Variants in SPATS2 observed in about 807,000 individuals in gnomAD.
The protein encoded by SPATS2 is spermatogenesis associated serine rich 2, also known as spermatogenesis-associated serine-rich protein 2.
A neutral mutation model predicts 63.7 loss-of-function variants in SPATS2; 38 were observed. The observed-to-expected ratio is 0.60, with a 90% CI of 0.46 to 0.78. The LOEUF (loss-of-function observed/expected upper bound fraction) is 0.78. SPATS2 is among the 30% of genes least tolerant of loss of function. The pLI is 0.00. For synonymous variants in SPATS2, 207 were observed against 232.9 expected (o/e 0.89, Z 1.01); for missense variants, 588 against 666.2 (o/e 0.88, Z 1.29).
Position 49,467,934 on chromosome 12 carries a change from G to A in SPATS2, c.25+6897G>A, listed in dbSNP as rs577801595. 2.3e-3 allele frequency among the ~76,000 whole-genome samples: 352 copies of A among 151,116 alleles called. 2 individuals are homozygous for A. Among genetic ancestry groups the A allele is most frequent in the Admixed American group, 8.2e-3 (125 of 15,156 alleles). On this transcript the variant is annotated intron_variant, in intron 3 of 13. Transcript: ENST00000552918. The stretch of plus-strand genomic sequence containing the variant: ...ATTTTTAGTAGAGACGGGGTTTCAC[G>A]GTATTAGCCAGGATGGTCTCGATCT...
chr12:49,407,089 C>T (rs1944710524), intron 2 of SPATS2, among the ~76,000 whole-genome samples: 1 of 152,180 alleles, frequency 6.6e-6, no homozygotes, highest in African/African-American at 2.4e-5. Context: ...TTGGAATCAT[C>T]CTTGATGCCT....
At chr12:49,393,959 A>G (rs1271764006) in intron 2 of SPATS2, among the ~76,000 whole-genome samples, 1 of 152,152 alleles carries the variant, frequency 6.6e-6, no homozygotes, top group Non-Finnish European at 1.5e-5. Context: ...CTCAGATTAC[A>G]TGCGTGAGCC....
intron 2 of SPATS2, chr12:49,387,244 A>G (rs1944332702): frequency 1.3e-5 from 2 of 152,332 alleles, no homozygotes; most frequent in South Asian, 4.1e-4. Flanking sequence ...ATATTCAAAG[A>G]AGATGCTGAA....
At chr12:49,399,967 C>T (rs912740631) in intron 2 of SPATS2, among the ~76,000 whole-genome samples, 4 of 152,212 alleles carry the variant, frequency 2.6e-5, no homozygotes, top group African/African-American at 7.2e-5. Flanking sequence ...ACCCGGGAGG[C>T]GGAGCTTGCA....
intron 2 of SPATS2, among the ~76,000 whole-genome samples, chr12:49,433,287 C>T (rs1185873347): frequency 1.3e-5 from 2 of 152,126 alleles, no homozygotes; most frequent in Admixed American, 6.5e-5. Context: ...TTCAGGCTCC[C>T]GAGTAGCTGG....
At chr12:49,470,812 G>A (rs894515070) in intron 3 of SPATS2, among the ~76,000 whole-genome samples, 1 of 152,126 alleles carries the variant, frequency 6.6e-6, no homozygotes, top group African/African-American at 2.4e-5. Flanking sequence ...CCTTGTTCCA[G>A]TGTTTTGTTG....
At chr12:49,384,521 G>A (rs1944277361) in intron 2 of SPATS2, among the ~76,000 whole-genome samples, 1 of 152,118 alleles carries the variant, frequency 6.6e-6, no homozygotes, top group African/African-American at 2.4e-5. Flanking sequence ...ATGTATGTAT[G>A]TGTTTGTATG....
At chr12:49,387,808 G>A (rs956753511) in intron 2 of SPATS2, among the ~76,000 whole-genome samples, 5 of 151,974 alleles carry the variant, frequency 3.3e-5, no homozygotes, top group Non-Finnish European at 2.9e-5. Flanking sequence ...GAGGGAGCAG[G>A]GGCGTTCTTA....
intron 9 of SPATS2, 70 bp downstream of exon 9, chr12:49,500,275 T>C: frequency 6.8e-7 from 1 of 1,468,920 alleles, no homozygotes; most frequent in Non-Finnish European, 9.1e-7. Flanking sequence ...TGGTCAGCCA[T>C]TCCCCAAGTT....
At chr12:49,432,108 G>C (rs1012494499) in intron 2 of SPATS2, among the ~76,000 whole-genome samples, 19 of 152,180 alleles carry the variant, frequency 1.2e-4, no homozygotes, top group African/African-American at 4.6e-4. Context: ...TTAGATGTGA[G>C]GGGCCTGTTT....
chr12:49,495,070 A>C, intron 7 of SPATS2, 68 bp downstream of exon 7: 1 of 1,422,370 alleles, frequency 7.0e-7, no homozygotes, highest in Non-Finnish European at 9.3e-7. Context: ...TCGTTGAGAA[A>C]GTGATCAATT....
chr12:49,480,569 GC>G (rs889289096), intron 3 of SPATS2, among the ~76,000 whole-genome samples: 2 of 152,026 alleles, frequency 1.3e-5, no homozygotes, highest in African/African-American at 4.8e-5. Flanking sequence ...GTATCTCAAC[GC>G]CTACAGCAGT....
chr12:49,477,404 T>C (rs932032813), intron 3 of SPATS2, among the ~76,000 whole-genome samples: 8 of 152,174 alleles, frequency 5.3e-5, no homozygotes, highest in African/African-American at 1.9e-4. Context: ...CATCAGCTGT[T>C]GAGACTATAG....
chr12:49,374,641 T>C (rs1359978778), intron 2 of SPATS2, among the ~76,000 whole-genome samples: 4 of 152,112 alleles, frequency 2.6e-5, no homozygotes, highest in African/African-American at 4.8e-5. Context: ...CTGCAGCCAT[T>C]GTCCTATGAC....
At chr12:49,455,450 G>T (rs1383107983) in intron 2 of SPATS2, among the ~76,000 whole-genome samples, 1 of 152,210 alleles carries the variant, frequency 6.6e-6, no homozygotes, top group Non-Finnish European at 1.5e-5. Flanking sequence ...CTCTGTTGCT[G>T]AGGCTAGAGT....
intron 2 of SPATS2, among the ~76,000 whole-genome samples, chr12:49,393,557 G>T (rs1033074893): frequency 6.6e-6 from 1 of 152,092 alleles, no homozygotes; most frequent in Non-Finnish European, 1.5e-5. Context: ...AAATGACTTA[G>T]TGCCCCACTA....
rs113601714 is a variant in SPATS2 at position 49,379,468 on chromosome 12, G to A, written c.-244+8178G>A. 1.5e-4 allele frequency among the ~76,000 whole-genome samples: 22 copies of A among 144,244 alleles called. No homozygotes were observed. In the South Asian group the frequency reaches 3.0e-3, roughly 19 times the overall value. The allele number at this position is 144,244 out of a possible 152,430, so 94.6% of individuals were successfully genotyped here. A position where few individuals can be genotyped will look rare whatever the true frequency, so the allele number is the denominator to read the frequency against. On this transcript the variant is annotated intron_variant, in intron 2 of 13. Coordinates refer to ENST00000552918, the MANE Select transcript of SPATS2 (RefSeq NM_023071.4). ...CAGGAGGTTGAGGCAGGAGAATGGC[G>A]TGAACCCGGGAGGCAGAGGTTGCAA...
chr12:49,503,306 C>T (rs181542377), intron 9 of SPATS2, among the ~76,000 whole-genome samples: 21 of 150,954 alleles, frequency 1.4e-4, no homozygotes, highest in Admixed American at 6.7e-5. Context: ...GCTGAGATCG[C>T]GCCATTGCAC....
chr12:49,368,588 G>C (rs759801309), intron 1 of SPATS2, among the ~76,000 whole-genome samples: 7 of 152,206 alleles, frequency 4.6e-5, no homozygotes, highest in Non-Finnish European at 1.0e-4. Flanking sequence ...TTTTGTGTTT[G>C]TGGGAGAGAG....
Sources: gnomAD v4.1 joint callset for allele counts (sites outside exome capture counted in the v4.1 genomes callset) on GRCh38, gnomAD v4.1.1 for gene constraint, MANE v1.5 for transcripts, NCBI Gene and HGNC (gene_info 2026-07-23, HGNC 2026-07-21) for gene names.